OR2L13: variants seen among roughly 807,000 people sequenced by gnomAD.
OR2L13 encodes the protein olfactory receptor 2L13.
OR2L13 carries 14 observed loss-of-function variants against 15.3 expected under a neutral mutation model. That is an observed-to-expected ratio of 0.91 (90% CI 0.60 to 1.43). The LOEUF is 1.43. Among genes scored for constraint, OR2L13 ranks in the 40% most tolerant of loss-of-function variants. The pLI, the probability that OR2L13 is intolerant of heterozygous loss-of-function variation, is 0.00. For missense variants in OR2L13, 367 were observed against 387.9 expected, an observed-to-expected ratio of 0.95 and a Z score of 0.45; for synonymous variants, 152 against 142.9, an observed-to-expected ratio of 1.06 and a Z score of -0.45.
the OR2L13 span, among the ~76,000 whole-genome samples, chr1:248,057,266 G>T: frequency 1.3e-5 from 2 of 152,146 alleles, no homozygotes; most frequent in Non-Finnish European, 2.9e-5. Context: ...TTGTGTAGGG[G>T]TCTAAGTCTC....
the OR2L13 span, among the ~76,000 whole-genome samples, chr1:247,977,756 C>G: frequency 6.6e-6 from 1 of 152,100 alleles, no homozygotes; most frequent in East Asian, 1.9e-4. Flanking sequence ...TAGGAAACCT[C>G]AAGTTTTCTA....
At chr1:248,008,855 A>C in the OR2L13 span, among the ~76,000 whole-genome samples, 1 of 152,232 alleles carries the variant, frequency 6.6e-6, no homozygotes, top group African/African-American at 2.4e-5. Context: ...CCACAGTGCA[A>C]TCAAATTAGA....
the OR2L13 span, among the ~76,000 whole-genome samples, chr1:247,980,172 C>G: frequency 1.3e-5 from 2 of 151,656 alleles, no homozygotes; most frequent in African/African-American, 4.8e-5. Flanking sequence ...CTAAATATAC[C>G]CTAGATAGTA....
chr1:247,955,401 A>G, the OR2L13 span, among the ~76,000 whole-genome samples: 1 of 151,230 alleles, frequency 6.6e-6, no homozygotes, highest in African/African-American at 2.4e-5. Flanking sequence ...TAGTGCCACA[A>G]TAAACATATG....
At chr1:247,972,774 T>G in the OR2L13 span, among the ~76,000 whole-genome samples, 3 of 152,208 alleles carry the variant, frequency 2.0e-5, no homozygotes, top group African/African-American at 2.4e-5. Flanking sequence ...TAACTCATTT[T>G]ATGAGGCAAG....
chr1:248,029,826 G>C, the OR2L13 span, among the ~76,000 whole-genome samples: 14 of 152,266 alleles, frequency 9.2e-5, no homozygotes, highest in African/African-American at 3.4e-4. Flanking sequence ...TTGACATAAT[G>C]TGAATAAATA....
chr1:247,964,852 T>C, the OR2L13 span, among the ~76,000 whole-genome samples: 1 of 149,062 alleles, frequency 6.7e-6, no homozygotes, highest in African/African-American at 2.4e-5. Context: ...ATGTAATATA[T>C]AATATATTGA....
At chr1:248,075,762 C>T in the OR2L13 span, among the ~76,000 whole-genome samples, 1 of 152,178 alleles carries the variant, frequency 6.6e-6, no homozygotes, top group African/African-American at 2.4e-5. Flanking sequence ...AGCCCTTTGT[C>T]AGATGGGTAG....
chr1:247,979,344 A>G, the OR2L13 span, among the ~76,000 whole-genome samples: 1 of 151,886 alleles, frequency 6.6e-6, no homozygotes, highest in African/African-American at 2.4e-5. Context: ...CCAGTGTGTG[A>G]TGTTCCCCTC....
At chr1:247,999,510 C>T in the OR2L13 span, among the ~76,000 whole-genome samples, 1 of 152,164 alleles carries the variant, frequency 6.6e-6, no homozygotes, top group Non-Finnish European at 1.5e-5. Flanking sequence ...CCCTTCTCAA[C>T]AATTAAATAT....
chr1:247,990,301 T>C, the OR2L13 span: 1 of 1,094,968 alleles, frequency 9.1e-7, no homozygotes, highest in Middle Eastern at 2.7e-4. Context: ...ACTGCTTTCA[T>C]CTTGTTGGGA....
the OR2L13 span, among the ~76,000 whole-genome samples, chr1:247,951,778 G>C: frequency 6.6e-6 from 1 of 152,152 alleles, no homozygotes; most frequent in Non-Finnish European, 1.5e-5. Flanking sequence ...TGGGACAGAG[G>C]GAAAATAGGC....
the OR2L13 span, among the ~76,000 whole-genome samples, chr1:248,012,577 G>T: frequency 6.6e-6 from 1 of 152,110 alleles, no homozygotes; most frequent in African/African-American, 2.4e-5. Flanking sequence ...GTGTGCACTA[G>T]ATGTGGCATC....
At chr1:248,010,834 T>A in the OR2L13 span, among the ~76,000 whole-genome samples, 1 of 143,466 alleles carries the variant, frequency 7.0e-6, no homozygotes, top group Non-Finnish European at 1.5e-5. Context: ...TTATTTTGAG[T>A]CTATGTGTGT....
chr1:248,019,801 G>T, the OR2L13 span, among the ~76,000 whole-genome samples: 2 of 148,028 alleles, frequency 1.4e-5, no homozygotes, highest in Admixed American at 6.8e-5. Flanking sequence ...TCTTCTTCTT[G>T]TTTGAGACAC....
At chr1:248,099,533 G>C (rs1354313130) in exon 3 of OR2L13, 3 of 1,613,840 alleles carry the variant, frequency 1.9e-6, no homozygotes, top group Non-Finnish European at 2.5e-6. Flanking sequence ...GTGGATCCTC[G>C]TCTCCACACA....
the OR2L13 span, chr1:248,062,797 G>A: frequency 2.6e-5 from 4 of 152,120 alleles, no homozygotes; most frequent in Non-Finnish European, 5.9e-5. Flanking sequence ...CGATTAACCC[G>A]ATTTGATCAT....
chr1:247,960,982 C>G, the OR2L13 span, among the ~76,000 whole-genome samples: 10 of 152,170 alleles, frequency 6.6e-5, no homozygotes, highest in Admixed American at 6.5e-4. Flanking sequence ...GTGAGATGAA[C>G]CCGGTACCTC....
chr1:248,017,411 T>A, the OR2L13 span, among the ~76,000 whole-genome samples: 1 of 152,128 alleles, frequency 6.6e-6, no homozygotes, highest in Non-Finnish European at 1.5e-5. Context: ...ACATGAATAA[T>A]CAAAGAGATG....
Sources: allele counts gnomAD v4.1 joint callset (sites outside exome capture counted in the v4.1 genomes callset), GRCh38; gene constraint gnomAD v4.1.1; transcripts MANE v1.5; gene names NCBI Gene and HGNC (gene_info 2026-07-23, HGNC 2026-07-21).